CTXND1: variants seen among roughly 807,000 people sequenced by gnomAD.
The protein encoded by CTXND1 is cortexin domain containing 1.
At chr15:80,246,937 A>G (rs543872903) in intron 1 of CTXND1, among the ~76,000 whole-genome samples, 1 of 152,300 alleles carries the variant, frequency 6.6e-6, no homozygotes, top group South Asian at 2.1e-4. Context: ...GATGTCACAT[A>G]CATTTTCCCA....
chr15:80,209,778 C>T (rs1044057730), intron 1 of CTXND1, among the ~76,000 whole-genome samples: 1 of 152,168 alleles, frequency 6.6e-6, no homozygotes, highest in Non-Finnish European at 1.5e-5. Context: ...AATTTGTGTA[C>T]CACACCAGGG....
intron 1 of CTXND1, among the ~76,000 whole-genome samples, chr15:80,230,038 G>A (rs904157702): frequency 7.2e-5 from 11 of 152,318 alleles, no homozygotes; most frequent in African/African-American, 2.6e-4. Context: ...TTATTTGAAC[G>A]ACTTGGAACC....
intron 1 of CTXND1, among the ~76,000 whole-genome samples, chr15:80,238,519 C>T (rs1483703143): frequency 6.8e-6 from 1 of 146,146 alleles, no homozygotes; most frequent in Non-Finnish European, 1.5e-5. Flanking sequence ...GAGTCTTGCT[C>T]TGTTGCCCAG....
rs1012522611 is a variant in CTXND1 at position 80,196,088 on chromosome 15, G to A, written c.*5682C>T. 2.0e-5 allele frequency: 3 copies of A among 152,082 alleles called. No individual in the cohort carries two copies. The highest frequency in any genetic ancestry group is 4.4e-5 in the Non-Finnish European group (3 of 68,022). 9.4% of individuals were successfully genotyped at this position (152,082 alleles called of 1,614,324 possible). On this transcript the variant is annotated 3_prime_UTR_variant, in exon 3 of 3. Transcript: ENST00000560778. The stretch of plus-strand genomic sequence containing the variant: ...GCTTTGGAACCCTGGGATTCGCTAG[G>A]GCACTTGGTACTCCCTGTATCCCTT...
At position 80,239,289 on chromosome 15, in the gene CTXND1, C is replaced by A. The variant is rs75370328; in HGVS notation, c.-218+12718G>T. Among the ~76,000 whole-genome samples, 975 of 152,290 alleles carry A rather than the reference C, an allele frequency of 6.4e-3. 10 individuals are homozygous for A. Among genetic ancestry groups the A allele is most frequent in the African/African-American group, 0.021 (892 of 41,544 alleles). On this transcript the variant is annotated intron_variant, in intron 1 of 2. Coordinates refer to ENST00000560778, the MANE Select transcript of CTXND1 (RefSeq NM_001352888.2). ...CTATGCCCTCTGGTTACCACCCACC[C>A]CAAATGGCTGCATTAATTACTGTGA...
At chr15:80,222,294 A>G (rs575028985) in intron 1 of CTXND1, among the ~76,000 whole-genome samples, 2 of 152,302 alleles carry the variant, frequency 1.3e-5, no homozygotes, top group East Asian at 3.9e-4. Flanking sequence ...ATGATCAATT[A>G]TGAATATTAT....
chr15:80,204,497 G>C (rs1893126425), intron 1 of CTXND1, among the ~76,000 whole-genome samples: 2 of 151,540 alleles, frequency 1.3e-5, no homozygotes, highest in Non-Finnish European at 2.9e-5. Flanking sequence ...CTATGAATCT[G>C]ACTGCTCTAC....
chr15:80,242,862 C>A (rs1893586109), intron 1 of CTXND1, among the ~76,000 whole-genome samples: 1 of 152,156 alleles, frequency 6.6e-6, no homozygotes, highest in East Asian at 1.9e-4. Context: ...ACCCAGCCAG[C>A]TTTGGTCATT....
At chr15:80,215,875 G>T (rs536181843) in intron 1 of CTXND1, among the ~76,000 whole-genome samples, 1 of 152,126 alleles carries the variant, frequency 6.6e-6, no homozygotes, top group African/African-American at 2.4e-5. Context: ...TACTGAAGCC[G>T]ATTTCTGCAA....
At chr15:80,244,156 A>G (rs1358632207) in intron 1 of CTXND1, among the ~76,000 whole-genome samples, 1 of 152,224 alleles carries the variant, frequency 6.6e-6, no homozygotes, top group Non-Finnish European at 1.5e-5. Context: ...CTCTCTTTAG[A>G]GTCCTTGAAA....
At chr15:80,246,835 C>T (rs1431671788) in intron 1 of CTXND1, among the ~76,000 whole-genome samples, 1 of 152,204 alleles carries the variant, frequency 6.6e-6, no homozygotes, top group Non-Finnish European at 1.5e-5. Context: ...CCTGAATCTG[C>T]ATTTTACAAT....
At chr15:80,217,899 T>G (rs545777252) in intron 1 of CTXND1, among the ~76,000 whole-genome samples, 2 of 152,192 alleles carry the variant, frequency 1.3e-5, no homozygotes, top group African/African-American at 2.4e-5. Flanking sequence ...TTTTTTGAAT[T>G]GTAAAACACC....
intron 1 of CTXND1, among the ~76,000 whole-genome samples, chr15:80,231,566 T>C (rs577088691): frequency 9.9e-5 from 15 of 152,278 alleles, no homozygotes; most frequent in Non-Finnish European, 1.8e-4. Flanking sequence ...ATAAGGGAGT[T>C]TGGAAATTTC....
In CTXND1 at chr15:80,196,471, A is replaced by G. The variant is rs563660929; in HGVS notation, c.*5299T>C. 5 of 151,900 alleles carry G rather than the reference A, an allele frequency of 3.3e-5. No individual in the cohort carries two copies. Among genetic ancestry groups the G allele is most frequent in the Admixed American group, 2.6e-4 (4 of 15,254 alleles). 9.4% of individuals were successfully genotyped at this position (151,900 alleles called of 1,614,324 possible). A position where few individuals can be genotyped will look rare whatever the true frequency, so the allele number is the denominator to read the frequency against. ...GTGGGAGAACAAGACTGCAGTTACC[A>G]CTCTGGGCCTCATGACCAGCCACAG... On this transcript the variant is annotated 3_prime_UTR_variant, in exon 3 of 3. Transcript: ENST00000560778.
chr15:80,205,819 A>G (rs1893142231), intron 1 of CTXND1, among the ~76,000 whole-genome samples: 1 of 152,170 alleles, frequency 6.6e-6, no homozygotes, highest in African/African-American at 2.4e-5. Flanking sequence ...ACATCATGAG[A>G]ATAAAAAGCC....
intron 1 of CTXND1, among the ~76,000 whole-genome samples, chr15:80,204,937 G>A (rs1893133220): frequency 2.0e-5 from 3 of 152,166 alleles, no homozygotes; most frequent in African/African-American, 7.2e-5. Flanking sequence ...AAAGAAAACA[G>A]TCAAAGCAGT....
At chr15:80,251,722 G>C (rs1283595395) in intron 1 of CTXND1, among the ~76,000 whole-genome samples, 1 of 151,484 alleles carries the variant, frequency 6.6e-6, no homozygotes, top group Non-Finnish European at 1.5e-5. Flanking sequence ...GCTGCGACGC[G>C]GCTCCCGTGC....
intron 1 of CTXND1, among the ~76,000 whole-genome samples, chr15:80,224,535 A>G (rs1266623690): frequency 6.6e-6 from 1 of 152,146 alleles, no homozygotes; most frequent in Non-Finnish European, 1.5e-5. Flanking sequence ...TGTCTTGGAT[A>G]TTCCTGGCCC....
intron 1 of CTXND1, among the ~76,000 whole-genome samples, chr15:80,216,182 G>A (rs546422628): frequency 1.3e-5 from 2 of 152,258 alleles, no homozygotes; most frequent in East Asian, 3.9e-4. Context: ...CTCCAGGGCT[G>A]GGGCGGCACC....
Sources: gnomAD v4.1 joint callset for allele counts (sites outside exome capture counted in the v4.1 genomes callset) on GRCh38, gnomAD v4.1.1 for gene constraint, MANE v1.5 for transcripts, NCBI Gene and HGNC (gene_info 2026-07-23, HGNC 2026-07-21) for gene names.